The following PAQR3 variants were observed in gnomAD, a reference collection of about 807,000 sequenced individuals.
PAQR3 encodes the protein progestin and adipoQ receptor family member 3, also known as Raf kinase trapping to Golgi.
PAQR3 carries 39 observed loss-of-function variants against 41.7 expected under a neutral mutation model. The ratio of observed to expected loss-of-function variants is 0.93; its 90% confidence interval spans 0.72 to 1.22. The LOEUF (loss-of-function observed/expected upper bound fraction) is 1.22. Among genes scored for constraint, PAQR3 ranks in the 50% most tolerant of loss-of-function variants. The pLI is 0.00. For missense variants in PAQR3, 366 were observed against 385.6 expected (o/e 0.95, Z 0.42); for synonymous variants, 140 against 140.6 (o/e 1.00, Z 0.03).
At chr4:78,911,464 C>T (rs749470929), downstream of PAQR3, 3 of 1,614,002 alleles carry the variant, frequency 1.9e-6, no homozygotes, top group East Asian at 2.2e-5. Flanking sequence ...AGTCAAACAG[C>T]GCAGCTTACA....
rs1317403216 is a variant in PAQR3 at position 78,937,782 on chromosome 4, T to C, written c.185+1258A>G. Among the ~76,000 whole-genome samples the C allele has an allele frequency of 2.6e-5, 4 of 152,348 alleles. No individual in the cohort carries two copies. In the East Asian group the frequency reaches 7.7e-4, roughly 29 times the overall value. Reference sequence around the variant, plus strand: ...TAGCTCAAGAGCTAATGCTCTATACTTAATTTTCCACTCCATGAGATTTGG... The same window carrying C: ...TAGCTCAAGAGCTAATGCTCTATACCTAATTTTCCACTCCATGAGATTTGG... On this transcript the variant is annotated intron_variant, in intron 1 of 5. Transcript: ENST00000512733.
Position 78,930,880 on chromosome 4 carries a change from T to TTA in PAQR3, c.349-557_349-556dup, listed in dbSNP as rs147412098. ...ATATTAGTCTATACACATGCACACA[T>TTA]TATATATATATATATATATATATAT... On this transcript the variant is annotated intron_variant, in intron 2 of 5. Coordinates refer to ENST00000512733, the MANE Select transcript of PAQR3 (RefSeq NM_001040202.2). Among the ~76,000 whole-genome samples, 1,259 of 150,312 alleles carry TTA rather than the reference T, an allele frequency of 8.4e-3. 3 individuals are homozygous for TTA. Among genetic ancestry groups the TTA allele is most frequent in the Middle Eastern group, 0.021 (6 of 286 alleles).
intron 4 of PAQR3, 63 bp from the exon 5 acceptor site, chr4:78,924,010 T>A: frequency 8.4e-7 from 1 of 1,192,662 alleles, no homozygotes; most frequent in Non-Finnish European, 1.2e-6. Context: ...AAATTTATTA[T>A]GAATCTAATA....
intron 5 of PAQR3, 181 bp downstream of exon 5, chr4:78,923,676 G>A (rs962824381): frequency 5.7e-5 from 35 of 613,584 alleles, no homozygotes; most frequent in Non-Finnish European, 9.6e-5. Flanking sequence ...CAACTCACAT[G>A]ATCAGGATGA....
At position 78,930,229 on chromosome 4, in the gene PAQR3, A is replaced by G. The variant is rs1415213051; in HGVS notation, c.445T>C (p.Ser149Pro). The change falls in exon 3 of 6, where the codon TCT (serine) becomes CCT (proline). Residue 149 changes from serine (S) to proline (P), a missense_variant. Physicochemically the swap from Ser to Pro is moderately conservative, Grantham distance 74. Coordinates refer to ENST00000512733, the MANE Select transcript of PAQR3 (RefSeq NM_001040202.2). ...RWMALDYAGI[S>P]IGILGCYVSG... ...ACATAGCAGCCCAGTATTCCAATAGAAATTCCTGCATAATCTAATGCCATC... is the reference window on the plus strand; with the variant it reads ...ACATAGCAGCCCAGTATTCCAATAGGAATTCCTGCATAATCTAATGCCATC... The G allele has an allele frequency of 6.2e-7, 1 of 1,613,616 alleles. No individual in the cohort carries two copies. The highest frequency in any genetic ancestry group is 8.5e-7 in the Non-Finnish European group (1 of 1,179,872).
At position 78,916,247 on chromosome 4, in the gene PAQR3, C is replaced by T. The variant is rs189351360; in HGVS notation, c.*4292G>A. On this transcript the variant is annotated 3_prime_UTR_variant, in exon 6 of 6. Coordinates refer to ENST00000512733, the MANE Select transcript of PAQR3 (RefSeq NM_001040202.2). ...CTTATTCTTTTTGACTGAATTCTGT[C>T]CCTGATTCACTGTTTTGTTTGAAAT... The T allele has an allele frequency of 6.6e-6, 1 of 151,852 alleles. No homozygotes were observed. Among genetic ancestry groups the T allele is most frequent in the East Asian group, 1.9e-4 (1 of 5,176 alleles). The allele number at this position is 151,852 out of a possible 1,614,324, so 9.4% of individuals were successfully genotyped here.
At chr4:78,895,286 C>G (rs1733644119) in intron 11 of PAQR3, among the ~76,000 whole-genome samples, 1 of 152,124 alleles carries the variant, frequency 6.6e-6, no homozygotes, top group Non-Finnish European at 1.5e-5. Context: ...AAACGTACAC[C>G]TGTATTTAAT....
Position 78,917,849 on chromosome 4 carries a change from G to A in PAQR3, c.*2690C>T. Reference sequence around the variant, plus strand: ...GTCCAGGTGGGATGCCATAAGATGTGACAGACATTCCCTGAATCTTCGTTC... The same window carrying A: ...GTCCAGGTGGGATGCCATAAGATGTAACAGACATTCCCTGAATCTTCGTTC... On this transcript the variant is annotated 3_prime_UTR_variant, in exon 6 of 6. Transcript: ENST00000512733. 1.0e-6 allele frequency: 1 copy of A among 985,402 alleles called. No homozygotes were observed. Among genetic ancestry groups the A allele is most frequent in the Non-Finnish European group, 1.2e-6 (1 of 829,678 alleles). The allele number at this position is 985,402 out of a possible 1,614,324, so 61.0% of individuals were successfully genotyped here. A position where few individuals can be genotyped will look rare whatever the true frequency, so the allele number is the denominator to read the frequency against.
rs1364829982 is a variant in PAQR3 at position 78,915,681 on chromosome 4, T to G, written c.*4858A>C. Reference sequence around the variant, plus strand: ...CTCTCTACTGTGGAGTTAATGTGAATTTTTAAAAAATGGAATTGCAACCAC... The same window carrying G: ...CTCTCTACTGTGGAGTTAATGTGAAGTTTTAAAAAATGGAATTGCAACCAC... On this transcript the variant is annotated 3_prime_UTR_variant, in exon 6 of 6. Coordinates refer to ENST00000512733, the MANE Select transcript of PAQR3 (RefSeq NM_001040202.2). 6.6e-6 allele frequency: 1 copy of G among 151,948 alleles called. No homozygotes were observed. The highest frequency in any genetic ancestry group is 2.4e-5 in the African/African-American group (1 of 41,424). 9.4% of individuals were successfully genotyped at this position (151,948 alleles called of 1,614,324 possible).
chr4:78,931,329 G>A (rs964085414), intron 2 of PAQR3, among the ~76,000 whole-genome samples: 4 of 151,856 alleles, frequency 2.6e-5, no homozygotes, highest in Admixed American at 2.0e-4. Flanking sequence ...CTATACCCCA[G>A]CCTGGGTGAC....
intron 11 of PAQR3, among the ~76,000 whole-genome samples, chr4:78,899,680 T>G (rs1333628511): frequency 4.6e-5 from 7 of 151,950 alleles, no homozygotes; most frequent in Non-Finnish European, 1.0e-4. Context: ...CCCAAAGGAT[T>G]GAGCATATCT....
At chr4:78,935,087 C>G in intron 2 of PAQR3, 34 bp downstream of exon 2, 2 of 1,603,546 alleles carry the variant, frequency 1.2e-6, no homozygotes, top group Non-Finnish European at 8.5e-7. Context: ...AAAAAGTTCT[C>G]TTTACCAACA....
At chr4:78,921,989 C>T in intron 5 of PAQR3, 2 of 983,950 alleles carry the variant, frequency 2.0e-6, no homozygotes, top group Non-Finnish European at 2.4e-6. Context: ...CAATTGGTAA[C>T]TCCTGATCTG....
At position 78,930,399 on chromosome 4, in the gene PAQR3, T is replaced by C. The variant is rs1736734115; in HGVS notation, c.349-74A>G. On this transcript the variant is annotated intron_variant, in intron 2 of 5. Coordinates refer to ENST00000512733, the MANE Select transcript of PAQR3 (RefSeq NM_001040202.2). ...AACTTATGCATGATATTCAGGGAAG[T>C]AGTTAAGAGGCTAGGCTTTCAATTC... The C allele has an allele frequency of 1.1e-5, 16 of 1,447,538 alleles. No homozygotes were observed. In the South Asian group the frequency reaches 1.3e-4, roughly 12 times the overall value. The allele number at this position is 1,447,538 out of a possible 1,614,324, so 89.7% of individuals were successfully genotyped here. A position where few individuals can be genotyped will look rare whatever the true frequency, so the allele number is the denominator to read the frequency against.
chr4:78,932,301 A>AT (rs1736986113), intron 2 of PAQR3, among the ~76,000 whole-genome samples: 1 of 152,164 alleles, frequency 6.6e-6, no homozygotes, highest in African/African-American at 2.4e-5. Context: ...CGTAACTCAA[A>AT]GAAGTTTGGT....
chr4:78,936,806 C>T (rs1301241914), intron 1 of PAQR3, among the ~76,000 whole-genome samples: 1 of 152,184 alleles, frequency 6.6e-6, no homozygotes, highest in African/African-American at 2.4e-5. Context: ...CTGAGAGGCA[C>T]CACCTCTCCA....
chr4:78,911,334 A>G (rs574665641), downstream of PAQR3: 290 of 1,613,960 alleles, frequency 1.8e-4, 4 homozygotes, highest in South Asian at 2.9e-3. Context: ...CCAAAAGTGT[A>G]GATGTATTTG....
intron 4 of PAQR3, 126 bp from the exon 5 acceptor site, chr4:78,924,073 T>C (rs768777376): frequency 2.2e-5 from 16 of 719,258 alleles, no homozygotes; most frequent in African/African-American, 3.6e-5. Context: ...TCTCCAATAA[T>C]AGAAACCTTG....
Position 78,912,060 on chromosome 4 carries a change from ACTCCTGTTTC to A in PAQR3, c.*8469_*8478del. 6.5e-7 allele frequency: 1 copy of A among 1,543,914 alleles called. No homozygotes were observed. The highest frequency in any genetic ancestry group is 2.0e-5 in the Admixed American group (1 of 50,710). On this transcript the variant is annotated 3_prime_UTR_variant, in exon 6 of 6. Coordinates refer to ENST00000512733, the MANE Select transcript of PAQR3 (RefSeq NM_001040202.2). ...TACTTCTGATGGATTCTCGGCATTAACTCCTGTTTCAAAAAAGTGTGAACAGTTTTATGAA... is the reference window on the plus strand; with the variant it reads ...TACTTCTGATGGATTCTCGGCATTAAAAAAAAGTGTGAACAGTTTTATGAA...
Sources: allele counts gnomAD v4.1 joint callset (sites outside exome capture counted in the v4.1 genomes callset), GRCh38; gene constraint gnomAD v4.1.1; transcripts MANE v1.5; gene names NCBI Gene and HGNC (gene_info 2026-07-23, HGNC 2026-07-21).